The following TGFBR3 variants were observed in gnomAD, a reference collection of about 807,000 sequenced individuals.
TGFBR3 encodes transforming growth factor beta receptor type 3.
A neutral mutation model predicts 87.9 loss-of-function variants in TGFBR3; 46 were observed. That is an observed-to-expected ratio of 0.52 (90% confidence interval 0.41 to 0.67). TGFBR3 has a LOEUF of 0.67. Among genes scored for constraint, TGFBR3 ranks in the 30% least tolerant of loss-of-function variants. The pLI is 0.00. For missense variants in TGFBR3, 866 were observed against 1,041.9 expected, an observed-to-expected ratio of 0.83 and a Z score of 2.32; for synonymous variants, 381 against 391.6, an observed-to-expected ratio of 0.97 and a Z score of 0.32.
intron 4 of TGFBR3, among the ~76,000 whole-genome samples, chr1:91,758,099 G>A (rs1673814458): frequency 6.6e-6 from 1 of 152,132 alleles, no homozygotes; most frequent in African/African-American, 2.4e-5. Context: ...TGGATCTTTC[G>A]ACAAGAGCTG....
intron 1 of TGFBR3, among the ~76,000 whole-genome samples, chr1:91,884,315 T>C (rs1359600947): frequency 1.4e-5 from 2 of 141,824 alleles, no homozygotes; most frequent in South Asian, 2.2e-4. Context: ...CGAGACTCTG[T>C]CACCAAAAAA....
chr1:91,835,827 C>CAAAAAAAAAA lies in TGFBR3; in HGVS notation c.61+25634_61+25643dup, dbSNP rs57326419. ...TGGGTGACAGAGCGAGACTCCACCT[C>CAAAAAAAAAA]AAAAAAAAAAAAAAAAAAAAAAAAA... is the stretch of plus-strand genomic sequence containing the variant. On this transcript the variant is annotated intron_variant, in intron 2 of 16. Transcript: ENST00000212355. Among the ~76,000 whole-genome samples the CAAAAAAAAAA allele has an allele frequency of 1.6e-4, 12 of 74,772 alleles. 2 individuals carry two copies. Among genetic ancestry groups the CAAAAAAAAAA allele is most frequent in the Non-Finnish European group, 2.9e-4 (10 of 34,262 alleles). The allele number at this position is 74,772 out of a possible 152,430, so 49.1% of individuals were successfully genotyped here.
chr1:91,694,692 T>C (rs1486505029), intron 16 of TGFBR3, among the ~76,000 whole-genome samples: 2 of 152,210 alleles, frequency 1.3e-5, no homozygotes, highest in Non-Finnish European at 2.9e-5. Context: ...ATGGCATTCA[T>C]TGGTTTAATG....
chr1:91,831,761 C>T (rs1676863249), intron 2 of TGFBR3, among the ~76,000 whole-genome samples: 1 of 152,204 alleles, frequency 6.6e-6, no homozygotes, highest in Non-Finnish European at 1.5e-5. Flanking sequence ...AATGTGTTTC[C>T]TTTGCCTGCT....
intron 4 of TGFBR3, among the ~76,000 whole-genome samples, chr1:91,741,991 C>T: frequency 6.6e-6 from 1 of 152,134 alleles, no homozygotes; most frequent in East Asian, 1.9e-4. Context: ...CTCATGCCAC[C>T]CTCCCACATA....
rs1189802411 is a variant in TGFBR3, at chr1:91,729,918, G to A, written c.624C>T (p.Tyr208=). ...CTTTGGGTTGAAGGTACTCAGCAAGGTAATTGAGTGAGAGAAAATTCTTCC... is the reference window on the plus strand; with the variant it reads ...CTTTGGGTTGAAGGTACTCAGCAAGATAATTGAGTGAGAGAAAATTCTTCC... ...NIGKNFLSLN[Y]LAEYLQPKAA... Residue 208 remains tyrosine (Y), a synonymous_variant, in exon 6 of 17, where the codon TAC becomes TAT. Transcript: ENST00000212355. The A allele has an allele frequency of 1.2e-6, 2 of 1,614,074 alleles. No homozygotes were observed. The highest frequency in any genetic ancestry group is 2.7e-5 in the African/African-American group (2 of 74,924).
intron 2 of TGFBR3, among the ~76,000 whole-genome samples, chr1:91,843,916 C>T (rs1251668939): frequency 1.3e-5 from 2 of 152,226 alleles, no homozygotes; most frequent in African/African-American, 4.8e-5. Context: ...GTATTACCCA[C>T]ATTCAGAGGG....
rs1272718241 is a variant in TGFBR3 at position 91,859,407 on chromosome 1, CTCTCT to C, written c.61+2059_61+2063del. Among the ~76,000 whole-genome samples, 30 of 129,004 alleles carry C rather than the reference CTCTCT, an allele frequency of 2.3e-4. No individual in the cohort carries two copies. The Admixed American group carries it at 2.7e-3, about 12-fold the overall frequency. 84.6% of individuals were successfully genotyped at this position (129,004 alleles called of 152,430 possible). A position where few individuals can be genotyped will look rare whatever the true frequency, so the allele number is the denominator to read the frequency against. On this transcript the variant is annotated intron_variant, in intron 2 of 16. Transcript: ENST00000212355. ...AAGCCGCTTCTCTCCCTCTTTCTCT[CTCTCT>C]TTTTTTTTGGGAGGTGGGGGTGGGG...
chr1:91,858,531 C>G (rs1390035094), intron 2 of TGFBR3, among the ~76,000 whole-genome samples: 1 of 140,158 alleles, frequency 7.1e-6, no homozygotes, highest in African/African-American at 2.6e-5. Context: ...AGGAGAATTG[C>G]TTGAACCCAG....
At chr1:91,686,993 A>C (rs947967618) in intron 16 of TGFBR3, among the ~76,000 whole-genome samples, 1 of 152,160 alleles carries the variant, frequency 6.6e-6, no homozygotes, top group African/African-American at 2.4e-5. Context: ...ATCAAACCAC[A>C]TTGAGGGAAC....
At chr1:91,870,011 G>A (rs1197467507) in intron 1 of TGFBR3, among the ~76,000 whole-genome samples, 2 of 152,118 alleles carry the variant, frequency 1.3e-5, no homozygotes, top group African/African-American at 4.8e-5. Context: ...AAACAGAAAA[G>A]TGTTATCCAA....
At chr1:91,838,887 T>C (rs1677165396) in intron 2 of TGFBR3, among the ~76,000 whole-genome samples, 1 of 152,260 alleles carries the variant, frequency 6.6e-6, no homozygotes, top group South Asian at 2.1e-4. Flanking sequence ...TTTTTTGCAA[T>C]ACATTGTTCT....
At chr1:91,826,450 A>G (rs1407127785) in intron 2 of TGFBR3, among the ~76,000 whole-genome samples, 5 of 152,226 alleles carry the variant, frequency 3.3e-5, no homozygotes, top group African/African-American at 1.2e-4. Flanking sequence ...CTGTAACTCC[A>G]TTACTCTACC....
intron 3 of TGFBR3, among the ~76,000 whole-genome samples, chr1:91,796,481 A>C (rs1339562185): frequency 3.3e-5 from 5 of 152,240 alleles, no homozygotes; most frequent in African/African-American, 1.2e-4. Context: ...ACCTTTGGGA[A>C]GCTGCCTAGA....
intron 2 of TGFBR3, among the ~76,000 whole-genome samples, chr1:91,818,843 A>G (rs2489177): frequency 0.99 from 151,344 of 152,346 alleles, 75,179 homozygotes; most frequent in Middle Eastern, 1. Context: ...AGAGTTTTGC[A>G]TGTCTTTTGT....
intron 3 of TGFBR3, among the ~76,000 whole-genome samples, chr1:91,762,958 G>A (rs1026739170): frequency 2.0e-4 from 30 of 152,160 alleles, no homozygotes; most frequent in African/African-American, 7.2e-4. Flanking sequence ...TGGGAAGAAC[G>A]TCTTTGCTCA....
chr1:91,749,940 C>T (rs1476360025), intron 4 of TGFBR3, among the ~76,000 whole-genome samples: 1 of 152,206 alleles, frequency 6.6e-6, no homozygotes, highest in Non-Finnish European at 1.5e-5. Flanking sequence ...TTGCCCAACA[C>T]TTGGGAAGGG....
chr1:91,780,551 C>CTT (rs60294904), intron 3 of TGFBR3, among the ~76,000 whole-genome samples: 5,384 of 77,012 alleles, frequency 0.07, 708 homozygotes, highest in African/African-American at 0.11. Flanking sequence ...GGGTCTAAGG[C>CTT]TTTTTTTTTT....
chr1:91,879,920 CTG>C (rs34982710), intron 1 of TGFBR3, among the ~76,000 whole-genome samples: 39,689 of 151,956 alleles, frequency 0.26, 5,671 homozygotes, highest in Non-Finnish European at 0.31. Flanking sequence ...CCCTTCCAAG[CTG>C]TGTTGATTTA....
Sources: gnomAD v4.1 joint callset for allele counts (sites outside exome capture counted in the v4.1 genomes callset) on GRCh38, gnomAD v4.1.1 for gene constraint, MANE v1.5 for transcripts, NCBI Gene and HGNC (gene_info 2026-07-23, HGNC 2026-07-21) for gene names.